HERC3: variants seen among roughly 807,000 people sequenced by gnomAD.
HERC3 encodes the protein probable E3 ubiquitin-protein ligase HERC3.
A neutral mutation model predicts 129.9 loss-of-function variants in HERC3; 58 were observed. The ratio of observed to expected loss-of-function variants is 0.45; its 90% CI spans 0.36 to 0.56. The LOEUF is 0.56. Among genes scored for constraint, HERC3 ranks in the 20% least tolerant of loss-of-function variants. The probability of loss-of-function intolerance (pLI) is 0.00; values close to 1 mark genes in which losing one functional copy is unlikely to be tolerated. For synonymous variants in HERC3, 430 were observed against 451.0 expected, an observed-to-expected ratio of 0.95 and a Z score of 0.59; for missense variants, 835 against 1,244.2, an observed-to-expected ratio of 0.67 and a Z score of 4.95.
At chr4:88,650,073 C>T in intron 4 of HERC3, 74 bp downstream of exon 4, 1 of 1,404,212 alleles carries the variant, frequency 7.1e-7, no homozygotes, top group Non-Finnish European at 9.8e-7. Flanking sequence ...CCTTGTTTTT[C>T]TTCTGTTTTC....
chr4:88,535,901 T>C, the HERC3 span, among the ~76,000 whole-genome samples: 1 of 152,224 alleles, frequency 6.6e-6, no homozygotes, highest in African/African-American at 2.4e-5. Context: ...AATGCAAATG[T>C]TTCTTATGTC....
At chr4:88,672,876 G>T (rs1292791426) in intron 16 of HERC3, among the ~76,000 whole-genome samples, 3 of 126,266 alleles carry the variant, frequency 2.4e-5, no homozygotes, top group African/African-American at 1.2e-4. Flanking sequence ...CCATCTGCCT[G>T]CTAGTCACAG....
At chr4:88,540,238 G>A in the HERC3 span, among the ~76,000 whole-genome samples, 3 of 152,194 alleles carry the variant, frequency 2.0e-5, no homozygotes, top group Admixed American at 2.0e-4. Flanking sequence ...GTGTAGTGTA[G>A]AGAAGACCTT....
the HERC3 span, among the ~76,000 whole-genome samples, chr4:88,561,142 G>A: frequency 6.6e-6 from 1 of 152,018 alleles, no homozygotes; most frequent in South Asian, 2.1e-4. Flanking sequence ...GATTTTGATA[G>A]GGATTGCTCA....
At chr4:88,599,241 C>T in intron 2 of HERC3, among the ~76,000 whole-genome samples, 1 of 152,308 alleles carries the variant, frequency 6.6e-6, no homozygotes, top group East Asian at 1.9e-4. Flanking sequence ...GAACTTCTCT[C>T]CTGAAAGCTA....
intron 3 of HERC3, among the ~76,000 whole-genome samples, chr4:88,615,941 C>T (rs575535130): frequency 1.1e-4 from 17 of 152,144 alleles, no homozygotes; most frequent in Non-Finnish European, 1.9e-4. Context: ...CCTGCTATTC[C>T]AGCATATTAA....
chr4:88,704,863 C>CTTTCTTTTTTTTTTTTTTTT (rs1336673525), intron 25 of HERC3, among the ~76,000 whole-genome samples: 19 of 130,662 alleles, frequency 1.5e-4, no homozygotes, highest in South Asian at 2.7e-4. Context: ...TTCTTTCTTT[C>CTTTCTTTTTTTTTTTTTTTT]TTTTTTTTTT....
intron 3 of HERC3, among the ~76,000 whole-genome samples, chr4:88,645,084 C>G (rs1433308287): frequency 6.6e-6 from 1 of 152,156 alleles, no homozygotes; most frequent in East Asian, 1.9e-4. Flanking sequence ...TGCCGAGATA[C>G]AGTGTATCTC....
At chr4:88,572,678 A>G in the HERC3 span, among the ~76,000 whole-genome samples, 1 of 151,674 alleles carries the variant, frequency 6.6e-6, no homozygotes, top group Non-Finnish European at 1.5e-5. Flanking sequence ...GTGTGGTGGC[A>G]TGCACCTGTA....
At chr4:88,622,505 G>A (rs538951500) in intron 3 of HERC3, among the ~76,000 whole-genome samples, 9 of 152,210 alleles carry the variant, frequency 5.9e-5, no homozygotes, top group Non-Finnish European at 1.3e-4. Context: ...GTACCTAGAA[G>A]TGGAATTGTT....
upstream of HERC3, among the ~76,000 whole-genome samples, chr4:88,588,217 C>T (rs1200614295): frequency 6.6e-6 from 1 of 152,128 alleles, no homozygotes; most frequent in Non-Finnish European, 1.5e-5. Context: ...GCTGTAAGCT[C>T]TTTGTAGTCA....
chr4:88,664,817 T>C (rs1382657523), intron 12 of HERC3, among the ~76,000 whole-genome samples: 1 of 152,188 alleles, frequency 6.6e-6, no homozygotes, highest in Non-Finnish European at 1.5e-5. Flanking sequence ...CTTCAGGGGC[T>C]CCTTGGATTT....
At chr4:88,526,923 G>T in the HERC3 span, among the ~76,000 whole-genome samples, 7 of 151,996 alleles carry the variant, frequency 4.6e-5, no homozygotes, top group Non-Finnish European at 7.4e-5. Flanking sequence ...ATAGATAAAT[G>T]GACAAAATAT....
At chr4:88,554,912 T>C in the HERC3 span, among the ~76,000 whole-genome samples, 1 of 152,226 alleles carries the variant, frequency 6.6e-6, no homozygotes. Flanking sequence ...CTCATGCTAA[T>C]GTTTACGGAG....
intron 10 of HERC3, among the ~76,000 whole-genome samples, chr4:88,661,656 GT>G (rs966970570): frequency 1.1e-4 from 17 of 151,900 alleles, no homozygotes; most frequent in Admixed American, 7.2e-4. Flanking sequence ...TGCTTATTAT[GT>G]TTTTTTTCTT....
In HERC3 at chr4:88,592,519, C is replaced by G. The variant is rs1345985141; in HGVS notation, c.-143C>G. Reference sequence around the variant, plus strand: ...GCCGAAAACGGAGAAACCCCGGGTCCGGCGAGAGGGGCTGTGACAGTCGGA... The same window carrying G: ...GCCGAAAACGGAGAAACCCCGGGTCGGGCGAGAGGGGCTGTGACAGTCGGA... On this transcript the variant is annotated 5_prime_UTR_variant, in exon 1 of 26. Transcript: ENST00000402738. 6.6e-6 allele frequency: 1 copy of G among 152,314 alleles called. No homozygotes were observed. Among genetic ancestry groups the G allele is most frequent in the East Asian group, 1.9e-4 (1 of 5,180 alleles). The allele number at this position is 152,314 out of a possible 1,614,324, so 9.4% of individuals were successfully genotyped here.
At chr4:88,560,457 T>C in the HERC3 span, among the ~76,000 whole-genome samples, 32 of 152,226 alleles carry the variant, frequency 2.1e-4, no homozygotes, top group Non-Finnish European at 4.1e-4. Flanking sequence ...TATTGAGTTG[T>C]ATAGGTTCTT....
intron 25 of HERC3, among the ~76,000 whole-genome samples, chr4:88,706,324 G>C (rs1354943685): frequency 6.6e-6 from 1 of 152,128 alleles, no homozygotes; most frequent in African/African-American, 2.4e-5. Flanking sequence ...TAATGTTTGG[G>C]TCAGCTCTTC....
At chr4:88,705,371 T>C (rs1251352404) in intron 25 of HERC3, among the ~76,000 whole-genome samples, 1 of 152,194 alleles carries the variant, frequency 6.6e-6, no homozygotes, top group Admixed American at 6.5e-5. Context: ...TCATTTAAAG[T>C]GTATATTTCA....
Sources: allele counts gnomAD v4.1 joint callset (sites outside exome capture counted in the v4.1 genomes callset), GRCh38; gene constraint gnomAD v4.1.1; transcripts MANE v1.5; gene names NCBI Gene and HGNC (gene_info 2026-07-23, HGNC 2026-07-21).